The following RGS6 variants were observed in gnomAD, a reference collection of about 807,000 sequenced individuals.
RGS6 encodes regulator of G protein signaling 6.
In RGS6, 30 loss-of-function variants were observed where a neutral mutation model predicts 78.5. That is an observed-to-expected ratio of 0.38 (90% CI 0.29 to 0.52). RGS6 has a LOEUF of 0.52. Ranked by LOEUF, RGS6 falls within the 20% of genes least tolerant of loss-of-function variation. The pLI is 0.85. For synonymous variants in RGS6, 206 were observed against 206.0 expected (o/e 1.00, Z 0.00); for missense variants, 495 against 609.7 (o/e 0.81, Z 1.98).
intron 2 of RGS6, among the ~76,000 whole-genome samples, chr14:72,314,279 G>A (rs847356): frequency 0.66 from 100,109 of 152,086 alleles, 35,072 homozygotes; most frequent in African/African-American, 0.91. Context: ...CCTGGCTCCT[G>A]TCTGCTGCTC....
At chr14:72,387,907 C>T (rs2088757461) in intron 3 of RGS6, among the ~76,000 whole-genome samples, 1 of 152,210 alleles carries the variant, frequency 6.6e-6, no homozygotes, top group Non-Finnish European at 1.5e-5. Flanking sequence ...CGCCTTCTCA[C>T]TGAGTCTCCA....
chr14:72,313,599 G>C (rs2069211961), intron 2 of RGS6, among the ~76,000 whole-genome samples: 1 of 152,138 alleles, frequency 6.6e-6, no homozygotes, highest in African/African-American at 2.4e-5. Context: ...CCTGAAATCA[G>C]GGAGCCAAGT....
chr14:72,486,747 T>G (rs1461340336), intron 12 of RGS6, among the ~76,000 whole-genome samples: 3 of 152,212 alleles, frequency 2.0e-5, no homozygotes, highest in African/African-American at 7.2e-5. Context: ...TTCATTTCTT[T>G]CCTGTGTCCC....
At chr14:72,601,026 G>C in the RGS6 span, among the ~76,000 whole-genome samples, 2 of 149,420 alleles carry the variant, frequency 1.3e-5, no homozygotes, top group African/African-American at 5.0e-5. Context: ...GGAGGAGGGG[G>C]AGGAGGAAGA....
chr14:72,420,513 C>T (rs559784293), intron 3 of RGS6, among the ~76,000 whole-genome samples: 2 of 152,290 alleles, frequency 1.3e-5, no homozygotes, highest in South Asian at 2.1e-4. Flanking sequence ...GATTCCTGTT[C>T]CCTTCAGCTA....
intron 2 of RGS6, among the ~76,000 whole-genome samples, chr14:72,296,984 T>C (rs2064969443): frequency 6.6e-6 from 1 of 152,182 alleles, no homozygotes; most frequent in African/African-American, 2.4e-5. Context: ...AGTTCTTTTC[T>C]TTTTCCACAT....
intron 2 of RGS6, among the ~76,000 whole-genome samples, chr14:72,127,900 C>A (rs960766555): frequency 6.6e-6 from 1 of 151,922 alleles, no homozygotes; most frequent in Non-Finnish European, 1.5e-5. Context: ...TTAAAGAATG[C>A]CACATAAATG....
intron 2 of RGS6, among the ~76,000 whole-genome samples, chr14:72,216,427 T>A (rs1054503309): frequency 1.3e-5 from 2 of 152,184 alleles, no homozygotes; most frequent in African/African-American, 2.4e-5. Context: ...GCAAAACAAA[T>A]GTAAGGCACC....
At chr14:72,389,945 A>G (rs775649008) in intron 3 of RGS6, among the ~76,000 whole-genome samples, 7 of 152,226 alleles carry the variant, frequency 4.6e-5, no homozygotes, top group African/African-American at 9.6e-5. Context: ...ATTAACAACA[A>G]AAGTCCAACT....
At chr14:71,944,502 G>A (rs2152969884) in intron 1 of RGS6, among the ~76,000 whole-genome samples, 1 of 152,266 alleles carries the variant, frequency 6.6e-6, no homozygotes. Flanking sequence ...AGAGATGATA[G>A]GAATAAATAG....
chr14:72,538,128 T>C (rs190694474), intron 16 of RGS6, among the ~76,000 whole-genome samples: 1 of 152,370 alleles, frequency 6.6e-6, no homozygotes, highest in Admixed American at 6.5e-5. Context: ...TGCTTTCTCC[T>C]TCTGTTTCTT....
At chr14:72,317,934 G>A (rs773739587) in intron 2 of RGS6, among the ~76,000 whole-genome samples, 1 of 152,136 alleles carries the variant, frequency 6.6e-6, no homozygotes, top group African/African-American at 2.4e-5. Context: ...AGTCCCAAAC[G>A]ATTTTATTTG....
At chr14:72,158,973 C>T (rs2096814678) in intron 2 of RGS6, among the ~76,000 whole-genome samples, 3 of 152,208 alleles carry the variant, frequency 2.0e-5, no homozygotes, top group Middle Eastern at 3.2e-3. Flanking sequence ...AGCAGCATAA[C>T]AATAGCATTT....
intron 3 of RGS6, among the ~76,000 whole-genome samples, chr14:72,385,959 G>T (rs1040659396): frequency 6.6e-6 from 1 of 152,078 alleles, no homozygotes; most frequent in African/African-American, 2.4e-5. Context: ...AGCTCTCCTT[G>T]AATATTCTGA....
At chr14:72,303,142 A>G (rs1054836787) in intron 2 of RGS6, among the ~76,000 whole-genome samples, 1 of 152,174 alleles carries the variant, frequency 6.6e-6, no homozygotes, top group African/African-American at 2.4e-5. Context: ...TCCTTTACCT[A>G]CATTCTTTTT....
intron 17 of RGS6, chr14:72,541,473 G>A (rs1257192579): frequency 1.3e-6 from 2 of 1,535,692 alleles, no homozygotes; most frequent in Non-Finnish European, 8.7e-7. Context: ...AAATCAGAAT[G>A]TGCAGAACAC....
At chr14:72,038,171 T>A (rs1362302732) in intron 2 of RGS6, among the ~76,000 whole-genome samples, 1 of 152,158 alleles carries the variant, frequency 6.6e-6, no homozygotes, top group Non-Finnish European at 1.5e-5. Context: ...GGTTTCACCA[T>A]GTTGGCCAGT....
At chr14:72,148,916 T>A (rs1052586102) in intron 2 of RGS6, among the ~76,000 whole-genome samples, 2 of 152,194 alleles carry the variant, frequency 1.3e-5, no homozygotes, top group African/African-American at 4.8e-5. Context: ...TATCTAACAT[T>A]GCATGATAAA....
At chr14:72,248,960 G>T (rs1018874083) in intron 2 of RGS6, among the ~76,000 whole-genome samples, 2 of 152,176 alleles carry the variant, frequency 1.3e-5, no homozygotes, top group African/African-American at 2.4e-5. Flanking sequence ...AAGGCTTGCA[G>T]CTATAACTGC....
Sources: allele counts gnomAD v4.1 joint callset (sites outside exome capture counted in the v4.1 genomes callset), GRCh38; gene constraint gnomAD v4.1.1; transcripts MANE v1.5; gene names NCBI Gene and HGNC (gene_info 2026-07-23, HGNC 2026-07-21).